The following ZNF83 variants were observed in gnomAD, a reference collection of about 807,000 sequenced individuals.
ZNF83 encodes the protein zinc finger protein 816B.
For synonymous variants in ZNF83, 209 were observed against 213.0 expected, an observed-to-expected ratio of 0.98 and a Z score of 0.17; for missense variants, 552 against 629.9, an observed-to-expected ratio of 0.88 and a Z score of 1.32.
chr19:52,645,872 T>C (rs1327733591), intron 3 of ZNF83, among the ~76,000 whole-genome samples: 1 of 150,756 alleles, frequency 6.6e-6, no homozygotes, highest in Non-Finnish European at 1.5e-5. Context: ...AAAAATAAAG[T>C]AAATCTATTA....
intron 3 of ZNF83, among the ~76,000 whole-genome samples, chr19:52,646,510 T>C (rs2061374640): frequency 6.6e-6 from 1 of 152,158 alleles, no homozygotes; most frequent in Admixed American, 6.5e-5. Flanking sequence ...GATCACTCCA[T>C]GGCACTCCAT....
At chr19:52,655,363 T>G (rs2147262504) in intron 3 of ZNF83, 2 of 518,542 alleles carry the variant, frequency 3.9e-6, no homozygotes, top group Non-Finnish European at 6.8e-6. Flanking sequence ...ATGAATGTTC[T>G]GTTTTTATGT....
chr19:52,638,640 C>A (rs1171476408), upstream of ZNF83, among the ~76,000 whole-genome samples: 2 of 152,246 alleles, frequency 1.3e-5, no homozygotes, highest in South Asian at 2.1e-4. Flanking sequence ...AAATGCAAAG[C>A]CCTGCCTGGG....
intron 1 of ZNF83, among the ~76,000 whole-genome samples, chr19:52,683,072 T>C (rs2061949242): frequency 1.2e-5 from 1 of 80,188 alleles, no homozygotes; most frequent in African/African-American, 1.0e-4. Context: ...GGTTTCACCA[T>C]GTTGGCCAGC....
chr19:52,660,172 G>A (rs2061560967), intron 2 of ZNF83, among the ~76,000 whole-genome samples: 1 of 152,160 alleles, frequency 6.6e-6, no homozygotes, highest in Non-Finnish European at 1.5e-5. Flanking sequence ...TTGCTTAAGT[G>A]AGTGGGAAAT....
At chr19:52,650,866 A>T (rs1387066729) in intron 3 of ZNF83, 1 of 152,224 alleles carries the variant, frequency 6.6e-6, no homozygotes. Flanking sequence ...AGCAGAAGAA[A>T]GCTACATCAA....
At chr19:52,676,518 C>T (rs1172819259) in intron 1 of ZNF83, among the ~76,000 whole-genome samples, 1 of 151,572 alleles carries the variant, frequency 6.6e-6, no homozygotes, top group Non-Finnish European at 1.5e-5. Context: ...CAGCCCCCGC[C>T]CGGCCAGCCG....
chr19:52,655,830 T>G (rs190795399), intron 2 of ZNF83: 228 of 503,260 alleles, frequency 4.5e-4, no homozygotes, highest in African/African-American at 4.4e-3. Flanking sequence ...AACATTTCTT[T>G]TTGTGCAGTT....
At chr19:52,642,247 G>A (rs2061316255), upstream of ZNF83, among the ~76,000 whole-genome samples, 1 of 146,854 alleles carries the variant, frequency 6.8e-6, no homozygotes, top group African/African-American at 2.5e-5. Flanking sequence ...CAGTTTGTGA[G>A]GGGAGTATTG....
intron 2 of ZNF83, among the ~76,000 whole-genome samples, chr19:52,658,020 C>T (rs73586147): frequency 0.025 from 3,820 of 151,682 alleles, 142 homozygotes; most frequent in African/African-American, 0.083. Context: ...CCTGTAATCC[C>T]GGCTATTCAA....
At chr19:52,654,119 T>A (rs2061477538) in intron 3 of ZNF83, 4 of 1,605,460 alleles carry the variant, frequency 2.5e-6, no homozygotes, top group Non-Finnish European at 3.4e-6. Context: ...GAATAAAAGC[T>A]TGATCCAAGC....
rs1259535446 is a variant in ZNF83, at chr19:52,689,947, G to A, written c.-283+496C>T. On this transcript the variant is annotated intron_variant, in intron 1 of 5. Coordinates refer to the ZNF83 transcript ENST00000594682. ...TGACTGCGGAGGAGAGACCTGGGGA[G>A]CAGCAGGGCCCGGCACGAGGAGGGA... 3.9e-5 allele frequency among the ~76,000 whole-genome samples: 6 copies of A among 152,182 alleles called. No homozygotes were observed. In the South Asian group the frequency reaches 1.0e-3, roughly 26 times the overall value.
intron 2 of ZNF83, among the ~76,000 whole-genome samples, chr19:52,631,010 GTT>G (rs1320308405): frequency 2.6e-4 from 39 of 148,060 alleles, no homozygotes; most frequent in Middle Eastern, 3.4e-3. Context: ...CCATTATTCT[GTT>G]CTGGATCTCA....
Position 52,623,250 on chromosome 19 carries a change from C to G in ZNF83, c.-233-8453G>C, listed in dbSNP as rs564923920. ...ACTGCCCAATTGCCTCGGAAGCCCT[C>G]TGGACCATCAGGGATGCTGAGCTTT... On this transcript the variant is annotated intron_variant, in intron 2 of 2. Transcript: ENST00000301096. Among the ~76,000 whole-genome samples the G allele has an allele frequency of 6.6e-5, 10 of 152,316 alleles. No individual in the cohort carries two copies. The East Asian group carries it at 1.9e-3, about 29-fold the overall frequency.
chr19:52,613,293 A>G (rs375218590), exon 3 of ZNF83: 6 of 1,614,122 alleles, frequency 3.7e-6, no homozygotes, highest in Non-Finnish European at 5.1e-6. Context: ...CTTTTTCTCC[A>G]GTATGAATTC....
chr19:52,614,065 T>A, exon 3 of ZNF83: 1 of 1,613,334 alleles, frequency 6.2e-7, no homozygotes, highest in South Asian at 1.1e-5. Context: ...AATCCTGCGA[T>A]GCTGTGCAAG....
At chr19:52,630,722 C>T (rs1455223661) in intron 2 of ZNF83, among the ~76,000 whole-genome samples, 4 of 152,004 alleles carry the variant, frequency 2.6e-5, no homozygotes, top group Non-Finnish European at 5.9e-5. Flanking sequence ...GTTACCATCC[C>T]ATTAAAACCT....
chr19:52,675,235 G>GCCCA (rs2061782962), intron 1 of ZNF83, among the ~76,000 whole-genome samples: 1 of 152,140 alleles, frequency 6.6e-6, no homozygotes, highest in Non-Finnish European at 1.5e-5. Flanking sequence ...AGGACACCAG[G>GCCCA]CCCACAGTGT....
chr19:52,662,714 CT>C (rs2061596243), intron 1 of ZNF83, among the ~76,000 whole-genome samples: 1 of 152,060 alleles, frequency 6.6e-6, no homozygotes, highest in African/African-American at 2.4e-5. Flanking sequence ...TATTCCTCAC[CT>C]GTATATTACA....
Sources: gnomAD v4.1 joint callset for allele counts (sites outside exome capture counted in the v4.1 genomes callset) on GRCh38, gnomAD v4.1.1 for gene constraint, MANE v1.5 for transcripts, NCBI Gene and HGNC (gene_info 2026-07-23, HGNC 2026-07-21) for gene names.